RNF152: variants seen among roughly 807,000 people sequenced by gnomAD.
The protein encoded by RNF152 is ring finger protein 152, also known as E3 ubiquitin-protein ligase RNF152.
A neutral mutation model predicts 12.7 loss-of-function variants in RNF152; 11 were observed. The ratio of observed to expected loss-of-function variants is 0.86; its 90% CI spans 0.54 to 1.43. The LOEUF is 1.43. RNF152 is among the 40% of genes most tolerant of loss of function. The pLI is 0.00. For missense variants in RNF152, 255 were observed against 274.8 expected (o/e 0.93, Z 0.51); for synonymous variants, 113 against 120.3 (o/e 0.94, Z 0.40).
intron 1 of RNF152, among the ~76,000 whole-genome samples, chr18:61,850,541 C>T (rs1428599222): frequency 6.6e-6 from 1 of 152,088 alleles, no homozygotes; most frequent in Non-Finnish European, 1.5e-5. Context: ...CAGTTCTAAT[C>T]ACTGATAAAT....
chr18:61,871,397 A>T (rs1190516755), intron 1 of RNF152, among the ~76,000 whole-genome samples: 1 of 152,122 alleles, frequency 6.6e-6, no homozygotes, highest in African/African-American at 2.4e-5. Flanking sequence ...AAGTGCTCCA[A>T]CACATCAAGT....
chr18:61,847,868 T>C (rs1276912144), intron 1 of RNF152, among the ~76,000 whole-genome samples: 1 of 152,114 alleles, frequency 6.6e-6, no homozygotes, highest in African/African-American at 2.4e-5. Flanking sequence ...ATTTTTCCTT[T>C]TCACCTCCTT....
chr18:61,873,960 C>A (rs142068414), intron 1 of RNF152, among the ~76,000 whole-genome samples: 15 of 152,150 alleles, frequency 9.9e-5, no homozygotes, highest in African/African-American at 3.1e-4. Context: ...AAAAGTAAAC[C>A]CCTTGCATCC....
At position 61,809,041 on chromosome 18, in the gene RNF152, A is replaced by T. The variant is rs961436918; in HGVS notation, c.*6811T>A. On this transcript the variant is annotated 3_prime_UTR_variant, in exon 2 of 2. Transcript: ENST00000312828. ...AGATTGTGCTTGACTAAGTTGTCCTAGTTGTCCTGTGCTTCTTTCTCCAGC... is the reference window on the plus strand; with the variant it reads ...AGATTGTGCTTGACTAAGTTGTCCTTGTTGTCCTGTGCTTCTTTCTCCAGC... The T allele has an allele frequency of 1.1e-4, 16 of 152,344 alleles. No individual in the cohort carries two copies. The highest frequency in any genetic ancestry group is 3.6e-4 in the African/African-American group (15 of 41,550). The allele number at this position is 152,344 out of a possible 1,614,324, so 9.4% of individuals were successfully genotyped here.
chr18:61,829,087 C>A (rs1156788728), intron 1 of RNF152, among the ~76,000 whole-genome samples: 1 of 152,088 alleles, frequency 6.6e-6, no homozygotes, highest in Admixed American at 6.6e-5. Context: ...GGGACCAGAG[C>A]CTGGGACCTC....
At chr18:61,879,839 C>T (rs1912383849) in intron 1 of RNF152, among the ~76,000 whole-genome samples, 1 of 151,970 alleles carries the variant, frequency 6.6e-6, no homozygotes, top group African/African-American at 2.4e-5. Flanking sequence ...GTGGCGCACG[C>T]CTGTAACCCC....
chr18:61,889,795 T>C (rs1261961244), intron 1 of RNF152, among the ~76,000 whole-genome samples: 1 of 152,166 alleles, frequency 6.6e-6, no homozygotes, highest in African/African-American at 2.4e-5. Flanking sequence ...CCTAGGCCCA[T>C]TGCCACTCTT....
At chr18:61,893,843 G>T (rs1235052182), upstream of RNF152, 1 of 152,282 alleles carries the variant, frequency 6.6e-6, no homozygotes, top group Non-Finnish European at 1.5e-5. Flanking sequence ...CGGCCGAGCA[G>T]CCGACAGCGC....
intron 1 of RNF152, among the ~76,000 whole-genome samples, chr18:61,862,369 G>A (rs759135708): frequency 6.6e-6 from 1 of 152,222 alleles, no homozygotes; most frequent in Non-Finnish European, 1.5e-5. Context: ...ACTGCCCAGA[G>A]AGGAGATGAC....
intron 1 of RNF152, among the ~76,000 whole-genome samples, chr18:61,890,960 C>T (rs1912930604): frequency 6.6e-6 from 1 of 152,198 alleles, no homozygotes; most frequent in African/African-American, 2.4e-5. Flanking sequence ...ACCATATTTT[C>T]TCTCCCCAGA....
intron 1 of RNF152, among the ~76,000 whole-genome samples, chr18:61,830,085 G>A (rs971195166): frequency 2.0e-5 from 3 of 150,744 alleles, no homozygotes; most frequent in Non-Finnish European, 4.4e-5. Flanking sequence ...GCAGTGGTGC[G>A]ATCTTGGCTC....
chr18:61,889,235 G>A (rs1912837855), intron 1 of RNF152, among the ~76,000 whole-genome samples: 1 of 152,182 alleles, frequency 6.6e-6, no homozygotes, highest in Non-Finnish European at 1.5e-5. Context: ...GTGACTTGGA[G>A]ACTAACATAG....
rs1458018228 is a variant in RNF152, at chr18:61,810,958, T to C, written c.*4894A>G. The C allele has an allele frequency of 6.6e-6, 1 of 152,094 alleles. No homozygotes were observed. The highest frequency in any genetic ancestry group is 1.5e-5 in the Non-Finnish European group (1 of 68,018). The allele number at this position is 152,094 out of a possible 1,614,324, so 9.4% of individuals were successfully genotyped here. On this transcript the variant is annotated 3_prime_UTR_variant, in exon 2 of 2. Transcript: ENST00000312828. ...TCACTTTTCTGAGAAAAGATAGAAA[T>C]TGAAGTCTTTTGTGTATCACTCCTT...
chr18:61,827,654 A>C (rs1005062669), intron 1 of RNF152, among the ~76,000 whole-genome samples: 7 of 152,196 alleles, frequency 4.6e-5, no homozygotes, highest in Admixed American at 3.3e-4. Context: ...TTCTTTGAGC[A>C]CAGAGTGTTT....
intron 1 of RNF152, among the ~76,000 whole-genome samples, chr18:61,822,500 CAT>C (rs1361605468): frequency 6.6e-6 from 1 of 152,142 alleles, no homozygotes; most frequent in Non-Finnish European, 1.5e-5. Flanking sequence ...AAAGTGCGCG[CAT>C]TCATTTGGTA....
At chr18:61,845,289 T>C (rs895597816) in intron 1 of RNF152, among the ~76,000 whole-genome samples, 6 of 152,356 alleles carry the variant, frequency 3.9e-5, no homozygotes, top group Admixed American at 3.9e-4. Context: ...GTGACAGTTT[T>C]GGCTGTGCTG....
chr18:61,840,113 C>T lies in RNF152; in HGVS notation c.-135-23515G>A, dbSNP rs367914697. Among the ~76,000 whole-genome samples, 8 of 152,138 alleles carry T rather than the reference C, an allele frequency of 5.3e-5. No homozygotes were observed. In the East Asian group the frequency reaches 1.4e-3, roughly 26 times the overall value. On this transcript the variant is annotated intron_variant, in intron 1 of 1. Transcript: ENST00000312828. Reference sequence around the variant, plus strand: ...CTAGAAAATAAATGTAACCTAAAGGCCCAAGGGAGCTTATTTGCTCTTTCC... The same window carrying T: ...CTAGAAAATAAATGTAACCTAAAGGTCCAAGGGAGCTTATTTGCTCTTTCC...
chr18:61,880,430 G>C (rs1166294248), intron 1 of RNF152, among the ~76,000 whole-genome samples: 1 of 152,084 alleles, frequency 6.6e-6, no homozygotes, highest in East Asian at 1.9e-4. Context: ...GACTGCCCAG[G>C]GTCACATATC....
At chr18:61,835,534 G>A (rs1335233419) in intron 1 of RNF152, among the ~76,000 whole-genome samples, 1 of 152,176 alleles carries the variant, frequency 6.6e-6, no homozygotes, top group African/African-American at 2.4e-5. Context: ...AAAGGCATGG[G>A]AGACCTCCTC....
Sources: gnomAD v4.1 joint callset for allele counts (sites outside exome capture counted in the v4.1 genomes callset) on GRCh38, gnomAD v4.1.1 for gene constraint, MANE v1.5 for transcripts, NCBI Gene and HGNC (gene_info 2026-07-23, HGNC 2026-07-21) for gene names.